Variants in EBF1 observed in about 807,000 individuals in gnomAD.
The protein encoded by EBF1 is transcription factor COE1.
Under a neutral mutation model 68.4 loss-of-function variants are expected in EBF1, and 10 were observed. That is an observed-to-expected ratio of 0.15 (90% CI 0.09 to 0.25). The LOEUF (loss-of-function observed/expected upper bound fraction) is 0.25, where lower values mean the gene tolerates loss of function less well. EBF1 is among the 10% of genes least tolerant of loss of function. The pLI is 1.00. For synonymous variants in EBF1, 298 were observed against 299.8 expected (o/e 0.99, Z 0.06); for missense variants, 509 against 794.4 (o/e 0.64, Z 4.32).
intron 10 of EBF1, among the ~76,000 whole-genome samples, chr5:158,752,164 C>A (rs1581586326): frequency 6.6e-6 from 1 of 152,078 alleles, no homozygotes; most frequent in East Asian, 1.9e-4. Context: ...ATCAAGTTGT[C>A]TAAATATGAT....
chr5:158,963,523 T>C (rs914043155), intron 6 of EBF1, among the ~76,000 whole-genome samples: 6 of 152,212 alleles, frequency 3.9e-5, no homozygotes, highest in East Asian at 1.9e-4. Flanking sequence ...CTACCAGTTA[T>C]AGGCCTCTGC....
intron 9 of EBF1, among the ~76,000 whole-genome samples, chr5:158,790,105 C>G (rs745757339): frequency 3.3e-5 from 5 of 152,164 alleles, no homozygotes; most frequent in Non-Finnish European, 7.3e-5. Context: ...AAGCATGCAT[C>G]TGGATAAAGA....
chr5:158,734,530 G>T (rs992716901), intron 10 of EBF1, among the ~76,000 whole-genome samples: 7 of 151,994 alleles, frequency 4.6e-5, no homozygotes, highest in African/African-American at 1.7e-4. Flanking sequence ...CATAAAGAAT[G>T]GTATATTTAT....
At chr5:158,957,728 T>G (rs1336352138) in intron 6 of EBF1, among the ~76,000 whole-genome samples, 1 of 152,230 alleles carries the variant, frequency 6.6e-6, no homozygotes, top group Non-Finnish European at 1.5e-5. Flanking sequence ...TATTCTGCCA[T>G]GGACGCTTCC....
At chr5:158,929,265 G>A (rs995365243) in intron 6 of EBF1, among the ~76,000 whole-genome samples, 3 of 152,202 alleles carry the variant, frequency 2.0e-5, no homozygotes, top group African/African-American at 7.2e-5. Context: ...TACTAGTAGA[G>A]TATGTACAAC....
At chr5:159,040,884 T>C (rs1771069314) in intron 6 of EBF1, among the ~76,000 whole-genome samples, 1 of 152,198 alleles carries the variant, frequency 6.6e-6, no homozygotes, top group African/African-American at 2.4e-5. Context: ...GGGGGTGACA[T>C]ATACTCATGT....
chr5:158,906,241 C>G (rs1804563257), intron 6 of EBF1, among the ~76,000 whole-genome samples: 1 of 150,796 alleles, frequency 6.6e-6, no homozygotes, highest in African/African-American at 2.4e-5. Context: ...TTTCACTATC[C>G]CACCTATAAC....
chr5:158,967,126 CT>C (rs1286785514), intron 6 of EBF1, among the ~76,000 whole-genome samples: 1 of 152,112 alleles, frequency 6.6e-6, no homozygotes, highest in Non-Finnish European at 1.5e-5. Flanking sequence ...GTGGGGAAGG[CT>C]GCTCCATAGT....
intron 9 of EBF1, among the ~76,000 whole-genome samples, chr5:158,785,793 C>T (rs1311477444): frequency 6.6e-6 from 1 of 152,156 alleles, no homozygotes; most frequent in Non-Finnish European, 1.5e-5. Context: ...TTTGAATAGT[C>T]AGTCATGTTA....
Position 159,063,099 on chromosome 5 carries a change from C to T in EBF1, c.554+10297G>A, listed in dbSNP as rs370800557. Among the ~76,000 whole-genome samples the T allele has an allele frequency of 2.0e-5, 3 of 152,160 alleles. No individual in the cohort carries two copies. The East Asian group carries it at 5.8e-4, about 29-fold the overall frequency. On this transcript the variant is annotated intron_variant, in intron 6 of 15. Transcript: ENST00000313708. ...CAACAACTGCATTTCTAGTTCCTGTCATTCCTTCTTTTCACAAAAACAAGC... is the reference window on the plus strand; with the variant it reads ...CAACAACTGCATTTCTAGTTCCTGTTATTCCTTCTTTTCACAAAAACAAGC...
chr5:158,991,444 G>A (rs1358041550), intron 6 of EBF1, among the ~76,000 whole-genome samples: 1 of 152,150 alleles, frequency 6.6e-6, no homozygotes, highest in Non-Finnish European at 1.5e-5. Context: ...TTTTATGTAA[G>A]AGATGCCTTT....
chr5:159,070,130 T>C (rs1347089439), intron 6 of EBF1, among the ~76,000 whole-genome samples: 2 of 152,186 alleles, frequency 1.3e-5, no homozygotes, highest in African/African-American at 4.8e-5. Flanking sequence ...CTATTAAACA[T>C]AACACATTTG....
intron 6 of EBF1, among the ~76,000 whole-genome samples, chr5:158,929,293 C>G (rs1365738798): frequency 6.6e-6 from 1 of 152,198 alleles, no homozygotes; most frequent in Non-Finnish European, 1.5e-5. Flanking sequence ...CCTAAATTAT[C>G]AGCCTTTGTA....
chr5:159,049,198 C>T lies in EBF1; in HGVS notation c.554+24198G>A, dbSNP rs548059243. Among the ~76,000 whole-genome samples the T allele has an allele frequency of 5.3e-5, 8 of 152,300 alleles. No homozygotes were observed. In the South Asian group the frequency reaches 6.2e-4, roughly 12 times the overall value. Reference sequence around the variant, plus strand: ...CTTCTGATTTAAAGCTAAACATACACAGCTATCCATTAGCATGACAATGTC... The same window carrying T: ...CTTCTGATTTAAAGCTAAACATACATAGCTATCCATTAGCATGACAATGTC... On this transcript the variant is annotated intron_variant, in intron 6 of 15. Transcript: ENST00000313708.
chr5:158,987,533 T>C (rs759771434), intron 6 of EBF1, among the ~76,000 whole-genome samples: 2 of 152,176 alleles, frequency 1.3e-5, no homozygotes, highest in Non-Finnish European at 2.9e-5. Flanking sequence ...GTATGACAGA[T>C]GAGAGAATGA....
chr5:158,759,187 G>C (rs899724114), intron 10 of EBF1, among the ~76,000 whole-genome samples: 2 of 152,152 alleles, frequency 1.3e-5, no homozygotes, highest in African/African-American at 4.8e-5. Flanking sequence ...AAAGAAGGAG[G>C]GGTGTGCTTT....
rs182364509 is a variant in EBF1 at position 158,857,554 on chromosome 5, T to A, written c.555-17444A>T. On this transcript the variant is annotated intron_variant, in intron 6 of 15. Coordinates refer to ENST00000313708, the MANE Select transcript of EBF1 (RefSeq NM_024007.5). ...GAATCCTGCACTGGGCTATTTATACTCTTTGAATTGCTCACATTTCTTCCC... is the reference window on the plus strand; with the variant it reads ...GAATCCTGCACTGGGCTATTTATACACTTTGAATTGCTCACATTTCTTCCC... Among the ~76,000 whole-genome samples, 10 of 152,262 alleles carry A rather than the reference T, an allele frequency of 6.6e-5. No individual in the cohort carries two copies. The East Asian group carries it at 1.7e-3, about 26-fold the overall frequency.
chr5:158,944,701 C>T (rs1390299029), intron 6 of EBF1, among the ~76,000 whole-genome samples: 1 of 152,166 alleles, frequency 6.6e-6, no homozygotes, highest in Non-Finnish European at 1.5e-5. Flanking sequence ...TAAAAGTGTT[C>T]CTATTTCTCC....
intron 6 of EBF1, among the ~76,000 whole-genome samples, chr5:158,896,099 A>G (rs1470831779): frequency 6.6e-6 from 1 of 151,988 alleles, no homozygotes; most frequent in Non-Finnish European, 1.5e-5. Context: ...AAGAAATAAT[A>G]ATATGGATTG....
Sources: gnomAD v4.1 joint callset for allele counts (sites outside exome capture counted in the v4.1 genomes callset) on GRCh38, gnomAD v4.1.1 for gene constraint, MANE v1.5 for transcripts, NCBI Gene and HGNC (gene_info 2026-07-23, HGNC 2026-07-21) for gene names.